LHFPL3: variants seen among roughly 807,000 people sequenced by gnomAD.
The protein encoded by LHFPL3 is LHFPL tetraspan subfamily member 3 protein.
LHFPL3 carries 5 observed loss-of-function variants against 19.3 expected under a neutral mutation model. The observed-to-expected ratio is 0.26, with a 90% confidence interval of 0.14 to 0.54. The LOEUF is 0.54. Ranked by LOEUF, LHFPL3 falls within the 20% of genes least tolerant of loss-of-function variation. LHFPL3 has a pLI of 0.94. For missense variants in LHFPL3, 249 were observed against 307.4 expected (o/e 0.81, Z 1.42); for synonymous variants, 133 against 126.2 (o/e 1.05, Z -0.36).
intron 1 of LHFPL3, among the ~76,000 whole-genome samples, chr7:104,363,380 G>T (rs1790426633): frequency 6.6e-6 from 1 of 152,234 alleles, no homozygotes; most frequent in South Asian, 2.1e-4. Context: ...TTTCTGATTT[G>T]TAATGTTGGA....
At chr7:104,754,454 C>G (rs189686059) in intron 2 of LHFPL3, among the ~76,000 whole-genome samples, 2 of 152,254 alleles carry the variant, frequency 1.3e-5, no homozygotes, top group East Asian at 1.9e-4. Context: ...TTGTTGTCAG[C>G]CTGCCTGGAT....
At chr7:104,696,835 G>T (rs947417936) in intron 1 of LHFPL3, among the ~76,000 whole-genome samples, 2 of 152,094 alleles carry the variant, frequency 1.3e-5, no homozygotes, top group Non-Finnish European at 2.9e-5. Flanking sequence ...AAAACGTTGT[G>T]GTATGTGTTA....
Position 104,908,438 on chromosome 7 carries a change from T to G in LHFPL3, c.*2223T>G, listed in dbSNP as rs1487745614. On this transcript the variant is annotated 3_prime_UTR_variant, in exon 3 of 3. Transcript: ENST00000424859. ...GACTCCCTTTCTCATTCTGTTCTGT[T>G]GTATTGCGTCCAAAAGTTGTGTGTA... Among the ~76,000 whole-genome samples, 4 of 152,170 alleles carry G rather than the reference T, an allele frequency of 2.6e-5. No individual in the cohort carries two copies. The highest frequency in any genetic ancestry group is 4.4e-5 in the Non-Finnish European group (3 of 68,028).
chr7:104,496,068 A>G lies in LHFPL3; in HGVS notation c.445+166844A>G, dbSNP rs573182907. Among the ~76,000 whole-genome samples the G allele has an allele frequency of 2.6e-5, 4 of 152,234 alleles. No individual in the cohort carries two copies. In the East Asian group the frequency reaches 7.7e-4, roughly 29 times the overall value. ...TGTGTCATGTTGGTGTGCTGCACCC[A>G]TTAACTCGTCATTTAGCATTAGTTA... On this transcript the variant is annotated intron_variant, in intron 1 of 2. Coordinates refer to ENST00000424859, the MANE Select transcript of LHFPL3 (RefSeq NM_199000.3).
At chr7:104,531,750 T>C (rs1188764175) in intron 1 of LHFPL3, among the ~76,000 whole-genome samples, 1 of 152,188 alleles carries the variant, frequency 6.6e-6, no homozygotes, top group African/African-American at 2.4e-5. Flanking sequence ...TCTTTACTTT[T>C]CAGTTAATAA....
At chr7:104,432,073 A>G (rs1476019165) in intron 1 of LHFPL3, among the ~76,000 whole-genome samples, 1 of 152,238 alleles carries the variant, frequency 6.6e-6, no homozygotes, top group African/African-American at 2.4e-5. Context: ...AAGGCAATGC[A>G]GGTGGAGACT....
At chr7:104,549,853 A>G (rs1794636253) in intron 1 of LHFPL3, among the ~76,000 whole-genome samples, 2 of 152,154 alleles carry the variant, frequency 1.3e-5, no homozygotes. Context: ...TAACCAATAA[A>G]TATGATATGC....
At chr7:104,570,356 G>T (rs752041921) in intron 1 of LHFPL3, among the ~76,000 whole-genome samples, 2 of 152,160 alleles carry the variant, frequency 1.3e-5, no homozygotes, top group Non-Finnish European at 2.9e-5. Flanking sequence ...AGATATGAGG[G>T]TGCTTCACCC....
intron 2 of LHFPL3, among the ~76,000 whole-genome samples, chr7:104,842,026 C>A (rs1791220431): frequency 6.6e-6 from 1 of 151,936 alleles, no homozygotes; most frequent in South Asian, 2.1e-4. Context: ...CCCCTCCTCT[C>A]CTCCTCTCTC....
intron 1 of LHFPL3, among the ~76,000 whole-genome samples, chr7:104,729,272 A>G (rs941053776): frequency 6.6e-6 from 1 of 152,196 alleles, no homozygotes; most frequent in Non-Finnish European, 1.5e-5. Context: ...TATGGCAAAC[A>G]TATAATGGGA....
In LHFPL3 at chr7:104,463,302, C is replaced by G. The variant is rs143754849; in HGVS notation, c.445+134078C>G. Among the ~76,000 whole-genome samples the G allele has an allele frequency of 3.6e-4, 55 of 152,248 alleles. 1 individual carries two copies. Among genetic ancestry groups the G allele is most frequent in the African/African-American group, 1.3e-3 (52 of 41,548 alleles). On this transcript the variant is annotated intron_variant, in intron 1 of 2. Transcript: ENST00000424859. ...CTTTAGAGTTGGTTTGCTTTTGCTT[C>G]TCTAATTCTTTAAGATGTGATATTG...
intron 1 of LHFPL3, among the ~76,000 whole-genome samples, chr7:104,349,464 G>A (rs369131622): frequency 1.3e-5 from 2 of 152,182 alleles, no homozygotes; most frequent in East Asian, 3.8e-4. Flanking sequence ...AGACATACAA[G>A]GGAGCCCTTT....
chr7:104,612,603 C>T (rs978639053), intron 1 of LHFPL3, among the ~76,000 whole-genome samples: 6 of 152,104 alleles, frequency 3.9e-5, no homozygotes, highest in African/African-American at 9.7e-5. Context: ...TCTTTGGCTT[C>T]GAAAATTAGA....
At chr7:104,356,988 CA>C (rs1263958128) in intron 1 of LHFPL3, among the ~76,000 whole-genome samples, 1 of 152,144 alleles carries the variant, frequency 6.6e-6, no homozygotes, top group Non-Finnish European at 1.5e-5. Context: ...GCTTAAAAGG[CA>C]AAAGCCTTCA....
In LHFPL3 at chr7:104,869,729, T is replaced by C. The variant is rs553377045; in HGVS notation, c.683-36458T>C. Among the ~76,000 whole-genome samples the C allele has an allele frequency of 1.2e-3, 187 of 152,312 alleles. 1 individual carries two copies. Among genetic ancestry groups the C allele is most frequent in the South Asian group, 6.2e-4 (3 of 4,828 alleles). On this transcript the variant is annotated intron_variant, in intron 2 of 2. Coordinates refer to ENST00000424859, the MANE Select transcript of LHFPL3 (RefSeq NM_199000.3). ...CTAGAAATACCATTTGACCCAGCCA[T>C]GCCATTACTGGGTACATACCCAGAG...
At chr7:104,341,185 T>C (rs1262205222) in intron 1 of LHFPL3, among the ~76,000 whole-genome samples, 1 of 152,234 alleles carries the variant, frequency 6.6e-6, no homozygotes, top group Non-Finnish European at 1.5e-5. Context: ...CTGTGAATCT[T>C]TATTGTTTTC....
intron 1 of LHFPL3, among the ~76,000 whole-genome samples, chr7:104,594,240 A>C (rs1220088199): frequency 6.6e-6 from 1 of 152,196 alleles, no homozygotes; most frequent in Non-Finnish European, 1.5e-5. Context: ...GGTGGTGACA[A>C]AAATCTCTCA....
chr7:104,473,183 C>CAGAA (rs1419721214), intron 1 of LHFPL3, among the ~76,000 whole-genome samples: 1 of 152,182 alleles, frequency 6.6e-6, no homozygotes, highest in Non-Finnish European at 1.5e-5. Flanking sequence ...GAACAGCTAC[C>CAGAA]AGAACCCTGT....
intron 2 of LHFPL3, among the ~76,000 whole-genome samples, chr7:104,779,042 A>G (rs1033686933): frequency 9.2e-5 from 14 of 152,208 alleles, no homozygotes; most frequent in Non-Finnish European, 1.9e-4. Context: ...TTCAATAGCC[A>G]TTATCACATG....
Sources: gnomAD v4.1 joint callset for allele counts (sites outside exome capture counted in the v4.1 genomes callset) on GRCh38, gnomAD v4.1.1 for gene constraint, MANE v1.5 for transcripts, NCBI Gene and HGNC (gene_info 2026-07-23, HGNC 2026-07-21) for gene names.